Variants in NDST4 observed in about 807,000 individuals in gnomAD.
The protein encoded by NDST4 is N-deacetylase and N-sulfotransferase 4, also known as N-heparan sulfate sulfotransferase 4.
In NDST4, 63 loss-of-function variants were observed where a neutral mutation model predicts 100.8. The ratio of observed to expected loss-of-function variants is 0.62; its 90% CI spans 0.51 to 0.77. The LOEUF (loss-of-function observed/expected upper bound fraction) is 0.77, where lower values mean the gene tolerates loss of function less well. NDST4 is among the 30% of genes least tolerant of loss of function. NDST4 has a pLI of 0.00. For missense variants in NDST4, 943 were observed against 1,018.4 expected (o/e 0.93, Z 1.01); for synonymous variants, 377 against 361.8 (o/e 1.04, Z -0.48).
intron 6 of NDST4, among the ~76,000 whole-genome samples, chr4:114,893,664 C>A (rs959891149): frequency 9.2e-5 from 14 of 151,934 alleles, no homozygotes; most frequent in African/African-American, 3.4e-4. Context: ...GGGTAGATTG[C>A]AAACATTTTG....
At chr4:115,062,977 T>C (rs489558) in intron 2 of NDST4, among the ~76,000 whole-genome samples, 3 of 151,662 alleles carry the variant, frequency 2.0e-5, no homozygotes, top group African/African-American at 7.3e-5. Context: ...TTGTTTAGGG[T>C]TGCTTTCTTA....
At chr4:114,990,709 C>T (rs1274266127) in intron 2 of NDST4, among the ~76,000 whole-genome samples, 1 of 152,082 alleles carries the variant, frequency 6.6e-6, no homozygotes, top group Non-Finnish European at 1.5e-5. Flanking sequence ...TAACACATCA[C>T]ACATTTACAT....
intron 2 of NDST4, among the ~76,000 whole-genome samples, chr4:115,020,932 G>A (rs774029403): frequency 3.9e-5 from 6 of 151,938 alleles, no homozygotes; most frequent in Non-Finnish European, 8.8e-5. Context: ...GCATGGACGC[G>A]GTGAACGGGG....
chr4:115,046,232 C>T (rs927054814), intron 2 of NDST4, among the ~76,000 whole-genome samples: 6 of 152,122 alleles, frequency 3.9e-5, no homozygotes, highest in African/African-American at 9.7e-5. Flanking sequence ...CCCCATTCTG[C>T]CTCCCTATGG....
At chr4:115,071,644 C>T (rs1336950333) in intron 2 of NDST4, among the ~76,000 whole-genome samples, 2 of 151,578 alleles carry the variant, frequency 1.3e-5, no homozygotes, top group South Asian at 4.2e-4. Context: ...AGAAAATTGT[C>T]GGTAGCTATG....
At chr4:114,922,082 A>G (rs1725300404) in intron 6 of NDST4, among the ~76,000 whole-genome samples, 1 of 152,126 alleles carries the variant, frequency 6.6e-6, no homozygotes, top group Non-Finnish European at 1.5e-5. Flanking sequence ...TCCGGCCACC[A>G]TCGGGTGATG....
chr4:115,058,799 A>C (rs1201386443), intron 2 of NDST4, among the ~76,000 whole-genome samples: 1 of 152,046 alleles, frequency 6.6e-6, no homozygotes, highest in Non-Finnish European at 1.5e-5. Flanking sequence ...ATTGTACTCC[A>C]CAGGAGCTCC....
rs550614093 is a variant in NDST4 at position 114,995,049 on chromosome 4, T to C, written c.979-17775A>G. ...AGAAGTATAAATTTAGACACTAAAA[T>C]GTGTGTTGAACTGGCTAATTCTCAC... On this transcript the variant is annotated intron_variant, in intron 2 of 13. Transcript: ENST00000264363. 2.6e-5 allele frequency among the ~76,000 whole-genome samples: 4 copies of C among 152,170 alleles called. No homozygotes were observed. In the South Asian group the frequency reaches 6.2e-4, roughly 24 times the overall value.
At chr4:114,853,023 C>T (rs1374112394) in intron 7 of NDST4, among the ~76,000 whole-genome samples, 1 of 152,158 alleles carries the variant, frequency 6.6e-6, no homozygotes, top group Non-Finnish European at 1.5e-5. Context: ...GACTCAGCAT[C>T]AAGTCCTTCC....
intron 1 of NDST4, among the ~76,000 whole-genome samples, chr4:115,112,056 T>A (rs1017628986): frequency 2.6e-5 from 4 of 151,552 alleles, no homozygotes; most frequent in Non-Finnish European, 4.4e-5. Flanking sequence ...GGACTTTATA[T>A]TCTTTACATA....
At chr4:115,042,796 G>C (rs1319050270) in intron 2 of NDST4, among the ~76,000 whole-genome samples, 3 of 152,026 alleles carry the variant, frequency 2.0e-5, no homozygotes, top group Admixed American at 6.6e-5. Context: ...GTTGTTTCTA[G>C]ACTCTGCATC....
Position 114,984,455 on chromosome 4 carries a change from A to C in NDST4, c.979-7181T>G, listed in dbSNP as rs1054703380. Among the ~76,000 whole-genome samples, 4 of 152,148 alleles carry C rather than the reference A, an allele frequency of 2.6e-5. No individual in the cohort carries two copies. The South Asian group carries it at 8.3e-4, about 32-fold the overall frequency. On this transcript the variant is annotated intron_variant, in intron 2 of 13. Transcript: ENST00000264363. ...AAGTGCTGGGATTACAGGCATGAGC[A>C]ACGGCGCCAGGCCTAATACAGTCTT...
intron 2 of NDST4, among the ~76,000 whole-genome samples, chr4:115,051,537 A>T (rs2126279039): frequency 6.6e-6 from 1 of 152,186 alleles, no homozygotes; most frequent in African/African-American, 2.4e-5. Context: ...TGCTTGGCTT[A>T]TTTCACTTAG....
intron 1 of NDST4, among the ~76,000 whole-genome samples, chr4:115,082,388 C>A (rs1315726094): frequency 1.3e-5 from 2 of 152,198 alleles, no homozygotes; most frequent in African/African-American, 2.4e-5. Context: ...CTGGTAGCAG[C>A]AGAGAAGTGA....
At chr4:115,112,474 A>G (rs1047741496) in intron 1 of NDST4, among the ~76,000 whole-genome samples, 6 of 151,910 alleles carry the variant, frequency 3.9e-5, no homozygotes, top group African/African-American at 1.4e-4. Flanking sequence ...CACCACGAAA[A>G]CAAGCAAAGG....
At chr4:115,108,437 T>C (rs984037757) in intron 1 of NDST4, among the ~76,000 whole-genome samples, 2 of 151,988 alleles carry the variant, frequency 1.3e-5, no homozygotes, top group Non-Finnish European at 2.9e-5. Context: ...CTTTCCCTTC[T>C]CTCTTTTTCT....
chr4:115,082,155 C>T (rs116120333), intron 1 of NDST4, among the ~76,000 whole-genome samples: 1 of 152,036 alleles, frequency 6.6e-6, no homozygotes, highest in Non-Finnish European at 1.5e-5. Flanking sequence ...ACCTTCTATC[C>T]TTCCAAATGT....
intron 1 of NDST4, among the ~76,000 whole-genome samples, chr4:115,093,103 C>T (rs1223396513): frequency 6.6e-6 from 1 of 152,052 alleles, no homozygotes; most frequent in Non-Finnish European, 1.5e-5. Flanking sequence ...CAAAAATAGT[C>T]AGAACTACAA....
chr4:114,942,072 A>C (rs1282893984), intron 4 of NDST4, among the ~76,000 whole-genome samples: 8 of 152,250 alleles, frequency 5.3e-5, no homozygotes, highest in African/African-American at 1.9e-4. Context: ...GCTGGATACT[A>C]TCATGTAATG....
Sources: gnomAD v4.1 joint callset for allele counts (sites outside exome capture counted in the v4.1 genomes callset) on GRCh38, gnomAD v4.1.1 for gene constraint, MANE v1.5 for transcripts, NCBI Gene and HGNC (gene_info 2026-07-23, HGNC 2026-07-21) for gene names.